RIPOR2: variants seen among roughly 807,000 people sequenced by gnomAD.
RIPOR2 encodes the protein rho family-interacting cell polarization regulator 2.
Under a neutral mutation model 114.5 loss-of-function variants are expected in RIPOR2, and 39 were observed. That is an observed-to-expected ratio of 0.34 (90% confidence interval 0.26 to 0.44). The LOEUF (loss-of-function observed/expected upper bound fraction) is 0.44. RIPOR2 is among the 20% of genes least tolerant of loss of function. The pLI is 1.00. For synonymous variants in RIPOR2, 445 were observed against 484.4 expected, an observed-to-expected ratio of 0.92 and a Z score of 1.07; for missense variants, 1,007 against 1,255.1, an observed-to-expected ratio of 0.80 and a Z score of 2.99.
intron 1 of RIPOR2, among the ~76,000 whole-genome samples, chr6:24,901,891 T>A (rs1052860876): frequency 3.3e-5 from 5 of 152,204 alleles, no homozygotes; most frequent in Non-Finnish European, 5.9e-5. Context: ...TGATATTACA[T>A]CACAGGGTTG....
chr6:25,032,067 A>G (rs1051197899), intron 1 of RIPOR2, among the ~76,000 whole-genome samples: 1 of 151,634 alleles, frequency 6.6e-6, no homozygotes, highest in Non-Finnish European at 1.5e-5. Context: ...TCCTAATAGG[A>G]GTAAAGTTTC....
In RIPOR2 at chr6:24,835,933, C is replaced by A. The variant is rs6901565; in HGVS notation, c.2040-62G>T. 1,293,250 of 1,508,288 alleles carry A rather than the reference C, an allele frequency of 0.86. 556,254 individuals carry two copies. The highest frequency in any genetic ancestry group is 0.94 in the East Asian group (38,006 of 40,490). 93.4% of individuals were successfully genotyped at this position (1,508,288 alleles called of 1,614,324 possible). A position where few individuals can be genotyped will look rare whatever the true frequency, so the allele number is the denominator to read the frequency against. Reference sequence around the variant, plus strand: ...CTGTGCACAAACCACAGGTCAAGTCCACATGGTTTGCATCGGGCCCCAACA... The same window carrying A: ...CTGTGCACAAACCACAGGTCAAGTCAACATGGTTTGCATCGGGCCCCAACA... On this transcript the variant is annotated intron_variant, in intron 14 of 21. Coordinates refer to ENST00000643898, the MANE Select transcript of RIPOR2 (RefSeq NM_001286445.3).
Position 24,915,259 on chromosome 6 carries a change from C to T in RIPOR2, c.61+20579G>A, listed in dbSNP as rs186128407. On this transcript the variant is annotated intron_variant, in intron 1 of 21. Coordinates refer to ENST00000643898, the MANE Select transcript of RIPOR2 (RefSeq NM_001286445.3). ...CTGCCAGTTCTAAGAGTTTTGCACT[C>T]CTTTCTAATAGTATAATCTTTTGGC... 7.2e-5 allele frequency among the ~76,000 whole-genome samples: 11 copies of T among 152,228 alleles called. No individual in the cohort carries two copies. The South Asian group carries it at 1.7e-3, about 23-fold the overall frequency.
intron 9 of RIPOR2, among the ~76,000 whole-genome samples, chr6:24,852,190 T>C (rs1763024631): frequency 6.6e-6 from 1 of 151,952 alleles, no homozygotes; most frequent in South Asian, 2.1e-4. Flanking sequence ...TGAATCCAGG[T>C]GGCAGAGGTT....
chr6:25,008,357 C>T (rs922734531), intron 1 of RIPOR2, among the ~76,000 whole-genome samples: 1 of 152,164 alleles, frequency 6.6e-6, no homozygotes, highest in Admixed American at 6.5e-5. Context: ...CTGGATCATG[C>T]AGGAGGGCCT....
chr6:24,927,467 C>T (rs909717028), intron 1 of RIPOR2, among the ~76,000 whole-genome samples: 1 of 152,072 alleles, frequency 6.6e-6, no homozygotes, highest in Non-Finnish European at 1.5e-5. Context: ...TCATAATCAT[C>T]ATCACCATAA....
intron 7 of RIPOR2, among the ~76,000 whole-genome samples, chr6:24,863,767 T>A (rs899312228): frequency 2.6e-5 from 4 of 152,256 alleles, no homozygotes; most frequent in Non-Finnish European, 5.9e-5. Context: ...GTCACATTAT[T>A]TATTGCAGAT....
At chr6:24,903,056 A>G (rs545061244) in intron 1 of RIPOR2, among the ~76,000 whole-genome samples, 1 of 152,352 alleles carries the variant, frequency 6.6e-6, no homozygotes, top group Non-Finnish European at 1.5e-5. Flanking sequence ...GTTCTGGCTC[A>G]GGGTCTCTCC....
intron 1 of RIPOR2, chr6:25,015,505 T>G (rs1237702740): frequency 6.6e-6 from 1 of 152,188 alleles, no homozygotes; most frequent in African/African-American, 2.4e-5. Flanking sequence ...ACGGCACTAC[T>G]GGGTATGCTG....
chr6:24,950,160 G>C (rs1206713788), intron 1 of RIPOR2, among the ~76,000 whole-genome samples: 1 of 152,170 alleles, frequency 6.6e-6, no homozygotes, highest in Non-Finnish European at 1.5e-5. Flanking sequence ...TCCTGGAAGA[G>C]CACCTAGTAG....
At chr6:24,979,738 T>C (rs1054732106) in intron 1 of RIPOR2, among the ~76,000 whole-genome samples, 1 of 152,156 alleles carries the variant, frequency 6.6e-6, no homozygotes, top group Non-Finnish European at 1.5e-5. Flanking sequence ...GTTTGAGTTA[T>C]TGGAAGCAAG....
chr6:25,002,934 G>T (rs1473166656), intron 1 of RIPOR2, among the ~76,000 whole-genome samples: 1 of 152,240 alleles, frequency 6.6e-6, no homozygotes, highest in African/African-American at 2.4e-5. Context: ...ATTTGCAAAA[G>T]ATCCAAGTAC....
Position 24,876,075 on chromosome 6 carries a change from G to A in RIPOR2, c.62-258C>T, listed in dbSNP as rs1765709656. 3.9e-5 allele frequency among the ~76,000 whole-genome samples: 6 copies of A among 152,224 alleles called. No individual in the cohort carries two copies. The South Asian group carries it at 1.2e-3, about 32-fold the overall frequency. On this transcript the variant is annotated intron_variant, in intron 1 of 21. Coordinates refer to ENST00000643898, the MANE Select transcript of RIPOR2 (RefSeq NM_001286445.3). ...GGAGGCCGAGGCAGGTGGATCACCT[G>A]AAGTCAGGAGTTCAAGACCAGCCTG...
At chr6:24,994,132 G>C (rs749724440) in intron 1 of RIPOR2, among the ~76,000 whole-genome samples, 2 of 152,110 alleles carry the variant, frequency 1.3e-5, no homozygotes, top group Non-Finnish European at 2.9e-5. Context: ...ATAGTAATTG[G>C]GAAACAGATA....
In RIPOR2 at chr6:24,824,302, G is replaced by A. The variant is rs192591497; in HGVS notation, c.2868+924C>T. 4.2e-3 allele frequency among the ~76,000 whole-genome samples: 633 copies of A among 152,312 alleles called. 3 individuals are homozygous for A. Among genetic ancestry groups the A allele is most frequent in the Non-Finnish European group, 6.1e-3 (414 of 68,034 alleles). On this transcript the variant is annotated intron_variant, in intron 19 of 21. Transcript: ENST00000643898. ...ACTGTGTAGCAAAGAACTACATAGA[G>A]TTCACCCTTTTGGACCAAAATGGCG...
intron 1 of RIPOR2, among the ~76,000 whole-genome samples, chr6:24,995,052 G>A (rs1241399963): frequency 1.3e-5 from 2 of 152,208 alleles, no homozygotes; most frequent in African/African-American, 2.4e-5. Flanking sequence ...GAGCCATCTG[G>A]TTCTGAGGAA....
chr6:24,824,631 C>G (rs563707863), intron 19 of RIPOR2, among the ~76,000 whole-genome samples: 1 of 152,310 alleles, frequency 6.6e-6, no homozygotes, highest in East Asian at 1.9e-4. Flanking sequence ...GATAAATTAC[C>G]TCTTCCCTGG....
intron 1 of RIPOR2, among the ~76,000 whole-genome samples, chr6:24,984,560 C>T (rs144116616): frequency 4.0e-4 from 60 of 151,598 alleles, no homozygotes; most frequent in African/African-American, 1.2e-3. Flanking sequence ...GAGCTGGGCC[C>T]GGTGGTGCAC....
At chr6:24,849,608 A>G (rs1285168183) in intron 11 of RIPOR2, among the ~76,000 whole-genome samples, 194 bp downstream of exon 11, 4 of 152,116 alleles carry the variant, frequency 2.6e-5, no homozygotes, top group Admixed American at 6.6e-5. Flanking sequence ...ACACGCGTGC[A>G]CCTTACCCGG....
Sources: allele counts gnomAD v4.1 joint callset (sites outside exome capture counted in the v4.1 genomes callset), GRCh38; gene constraint gnomAD v4.1.1; transcripts MANE v1.5; gene names NCBI Gene and HGNC (gene_info 2026-07-23, HGNC 2026-07-21).